The following SLC25A51 variants were observed in gnomAD, a reference collection of about 807,000 sequenced individuals.
SLC25A51 encodes solute carrier family 25 member 51.
SLC25A51 carries 11 observed loss-of-function variants against 19.1 expected under a neutral mutation model. That is an observed-to-expected ratio of 0.58 (90% CI 0.36 to 0.96). The LOEUF is 0.96. SLC25A51 is among the 40% of genes least tolerant of loss of function. The probability of loss-of-function intolerance (pLI) is 0.01; values close to 1 mark genes in which losing one functional copy is unlikely to be tolerated. For missense variants in SLC25A51, 201 were observed against 365.4 expected (o/e 0.55, Z 3.67); for synonymous variants, 105 against 133.6 (o/e 0.79, Z 1.47).
chr9:37,888,558 A>T lies in SLC25A51; in HGVS notation c.-8T>A, dbSNP rs776704099. 6.3e-7 allele frequency: 1 copy of T among 1,575,882 alleles called. No individual in the cohort carries two copies. The highest frequency in any genetic ancestry group is 8.6e-7 in the Non-Finnish European group (1 of 1,165,950). Reference sequence around the variant, plus strand: ...AGCTTCTGAATCCATCATGCTGCTTAAGATCTTTCTTTTTCATGAAGGACT... The same window carrying T: ...AGCTTCTGAATCCATCATGCTGCTTTAGATCTTTCTTTTTCATGAAGGACT... On this transcript the variant is annotated 5_prime_UTR_variant, in exon 3 of 3. Coordinates refer to ENST00000242275, the MANE Select transcript of SLC25A51 (RefSeq NM_033412.4).
At chr9:37,895,355 C>T (rs1831693760) in intron 2 of SLC25A51, among the ~76,000 whole-genome samples, 1 of 151,368 alleles carries the variant, frequency 6.6e-6, no homozygotes, top group African/African-American at 2.4e-5. Context: ...GTATCCACCA[C>T]CACATTCGGC....
At chr9:37,895,818 CTTTT>C (rs922167874) in intron 2 of SLC25A51, among the ~76,000 whole-genome samples, 11 of 142,608 alleles carry the variant, frequency 7.7e-5, no homozygotes, top group African/African-American at 2.6e-4. Context: ...CCTTCCACAA[CTTTT>C]TTTTTTTTTT....
intron 3 of SLC25A51, among the ~76,000 whole-genome samples, chr9:37,880,931 G>C (rs866368285): frequency 3.3e-5 from 5 of 152,146 alleles, no homozygotes; most frequent in African/African-American, 1.2e-4. Context: ...GATTTCATCA[G>C]ATGATGATTA....
chr9:37,891,898 T>TAA (rs5897706), intron 2 of SLC25A51, among the ~76,000 whole-genome samples: 3 of 113,202 alleles, frequency 2.7e-5, no homozygotes, highest in African/African-American at 6.7e-5. Context: ...ACAACTACTT[T>TAA]AAAAAAAAAA....
At chr9:37,898,283 C>T (rs573764784) in intron 2 of SLC25A51, among the ~76,000 whole-genome samples, 106 of 152,202 alleles carry the variant, frequency 7.0e-4, no homozygotes, top group Non-Finnish European at 1.1e-3. Flanking sequence ...TGGCCGGGTG[C>T]GGTGGCTCAC....
chr9:37,886,190 C>T (rs528959319), downstream of SLC25A51: 139 of 1,509,128 alleles, frequency 9.2e-5, 3 homozygotes, highest in Admixed American at 1.9e-3. Flanking sequence ...GAAGGTAATG[C>T]GGCAGCCACA....
chr9:37,887,563 G>C (rs1831488384), downstream of SLC25A51: 1 of 1,399,554 alleles, frequency 7.1e-7, no homozygotes, highest in Non-Finnish European at 9.6e-7. Context: ...AATAAGATTG[G>C]GATTTCCTTT....
At position 37,888,033 on chromosome 9, in the gene SLC25A51, T is replaced by C; in HGVS notation, c.518A>G (p.Tyr173Cys). 1.2e-6 allele frequency: 2 copies of C among 1,613,086 alleles called. No homozygotes were observed. The highest frequency in any genetic ancestry group is 1.7e-6 in the Non-Finnish European group (2 of 1,179,860). The part of the protein sequence containing the change: ...ALKCHGIGEY[Y>C]RGLVPILFRN... Reference sequence around the variant, plus strand: ...GAAAAGAATGGGCACCAAGCCTCGATAATACTCTCCAATTCCATGACATTT... The same window carrying C: ...GAAAAGAATGGGCACCAAGCCTCGACAATACTCTCCAATTCCATGACATTT... The change falls in exon 3 of 3, where the codon TAT (tyrosine) becomes TGT (cysteine). Residue 173 changes from tyrosine to cysteine, a missense_variant. Tyr to Cys is a radical substitution (Grantham distance 194). Coordinates refer to ENST00000242275, the MANE Select transcript of SLC25A51 (RefSeq NM_033412.4).
chr9:37,890,482 T>C (rs542870715), intron 2 of SLC25A51, among the ~76,000 whole-genome samples: 156 of 152,222 alleles, frequency 1.0e-3, no homozygotes, highest in African/African-American at 3.3e-3. Context: ...GGTGGGAGGA[T>C]TGCATGAGGC....
chr9:37,884,751 C>G (rs866213310), downstream of SLC25A51, among the ~76,000 whole-genome samples: 1 of 152,118 alleles, frequency 6.6e-6, no homozygotes, highest in Non-Finnish European at 1.5e-5. Context: ...AGAATTTGAT[C>G]CACACACAAA....
Position 37,888,208 on chromosome 9 carries a change from C to T in SLC25A51, c.343G>A (p.Ala115Thr). 6.2e-7 allele frequency: 1 copy of T among 1,614,142 alleles called. No individual in the cohort carries two copies. Among genetic ancestry groups the T allele is most frequent in the African/African-American group, 1.3e-5 (1 of 75,052 alleles). ...LSCLLHKHVS[A>T]PEFATSGVAA... ...ACGCCACTGGTTGCAAACTCTGGAGCACTGACATGCTTGTGGAGAAGGCAG... is the reference window on the plus strand; with the variant it reads ...ACGCCACTGGTTGCAAACTCTGGAGTACTGACATGCTTGTGGAGAAGGCAG... The change falls in exon 3 of 3, where the codon GCT (alanine) becomes ACT (threonine). Residue 115 changes from alanine (A) to threonine (T), a missense_variant. Transcript: ENST00000242275.
rs1831494402 is a variant in SLC25A51, at chr9:37,887,764, T to C, written c.787A>G (p.Arg263Gly). ...CCTCTGAAAAGATTTATCAGTTTTC[T>C]GTCCCGTTCCAGCCAGATTTTTTGG... ...VFQKIWLERD[R>G]KLINLFRGAH... The change falls in exon 3 of 3, where the codon AGA becomes GGA. Residue 263 changes from arginine (R) to glycine (G), a missense_variant. Coordinates refer to ENST00000242275, the MANE Select transcript of SLC25A51 (RefSeq NM_033412.4). 12 of 1,613,854 alleles carry C rather than the reference T, an allele frequency of 7.4e-6. No individual in the cohort carries two copies. The highest frequency in any genetic ancestry group is 2.5e-6 in the Non-Finnish European group (3 of 1,179,880).
chr9:37,902,679 T>C (rs1462813058), intron 1 of SLC25A51, among the ~76,000 whole-genome samples: 3 of 152,262 alleles, frequency 2.0e-5, no homozygotes, highest in Admixed American at 6.5e-5. Flanking sequence ...AAAATTTATT[T>C]ACCATAACTT....
Position 37,887,672 on chromosome 9 carries a change from C to G in SLC25A51, c.879G>C (p.Leu293Phe), listed in dbSNP as rs1257869931. Residue 293 changes from leucine to phenylalanine, a missense_variant, in exon 3 of 3, where the codon TTG (leucine) becomes TTC (phenylalanine). Coordinates refer to ENST00000242275, the MANE Select transcript of SLC25A51 (RefSeq NM_033412.4). Reference sequence around the variant, plus strand: ...GATGGTTTTTTCATATAACCTTTAACAAGAACTCATAAGTTGCATTGATTA... The same window carrying G: ...GATGGTTTTTTCATATAACCTTTAAGAAGAACTCATAAGTTGCATTGATTA... ...WGIINATYEFLLKVI is the reference protein window; with the variant it reads ...WGIINATYEFFLKVI 11 of 1,609,500 alleles carry G rather than the reference C, an allele frequency of 6.8e-6. No individual in the cohort carries two copies. The highest frequency in any genetic ancestry group is 9.3e-6 in the Non-Finnish European group (11 of 1,178,232).
chr9:37,903,177 TCCTAGCA>T (rs755406683), intron 1 of SLC25A51, among the ~76,000 whole-genome samples: 4 of 151,896 alleles, frequency 2.6e-5, no homozygotes, highest in Non-Finnish European at 4.4e-5. Flanking sequence ...ACCTCAAGAG[TCCTAGCA>T]CCTTTTGATC....
chr9:37,882,780 T>G (rs1587151990), downstream of SLC25A51, among the ~76,000 whole-genome samples: 1 of 152,194 alleles, frequency 6.6e-6, no homozygotes, highest in African/African-American at 2.4e-5. Flanking sequence ...CATGAGCCAT[T>G]TGTGCCACAG....
chr9:37,898,725 A>T (rs1831776843), intron 2 of SLC25A51, among the ~76,000 whole-genome samples: 1 of 152,144 alleles, frequency 6.6e-6, no homozygotes. Context: ...CTCAAAAATA[A>T]ATAAATAAAT....
At chr9:37,901,742 T>TG (rs1831852798) in intron 1 of SLC25A51, among the ~76,000 whole-genome samples, 1 of 152,198 alleles carries the variant, frequency 6.6e-6, no homozygotes, top group Non-Finnish European at 1.5e-5. Flanking sequence ...TACAGAGTTT[T>TG]GGGGCTTAAT....
chr9:37,879,361 CT>C, downstream of SLC25A51: 1 of 190,846 alleles, frequency 5.2e-6, no homozygotes, highest in Admixed American at 6.0e-5. Context: ...TTCAACCATA[CT>C]TTCTCCAGAA....
Sources: allele counts gnomAD v4.1 joint callset (sites outside exome capture counted in the v4.1 genomes callset), GRCh38; gene constraint gnomAD v4.1.1; transcripts MANE v1.5; gene names NCBI Gene and HGNC (gene_info 2026-07-23, HGNC 2026-07-21).